Variants in SEMA5A observed in about 807,000 individuals in gnomAD.
SEMA5A encodes the protein semaphorin-5A.
Under a neutral mutation model 135.5 loss-of-function variants are expected in SEMA5A, and 55 were observed. That is an observed-to-expected ratio of 0.41 (90% CI 0.33 to 0.51). The LOEUF is 0.51. Among genes scored for constraint, SEMA5A ranks in the 20% least tolerant of loss-of-function variants. The pLI, the probability that SEMA5A is intolerant of heterozygous loss-of-function variation, is 0.37. For synonymous variants in SEMA5A, 580 were observed against 546.5 expected, an observed-to-expected ratio of 1.06 and a Z score of -0.85; for missense variants, 1,290 against 1,419.9, an observed-to-expected ratio of 0.91 and a Z score of 1.47.
At chr5:9,504,827 A>C (rs1173670736) in intron 1 of SEMA5A, among the ~76,000 whole-genome samples, 1 of 152,250 alleles carries the variant, frequency 6.6e-6, no homozygotes, top group Non-Finnish European at 1.5e-5. Flanking sequence ...TTATACCCTG[A>C]TGTCCAATCA....
chr5:9,266,352 T>C (rs1023928962), intron 5 of SEMA5A, among the ~76,000 whole-genome samples: 1 of 152,224 alleles, frequency 6.6e-6, no homozygotes, highest in African/African-American at 2.4e-5. Flanking sequence ...TAAATACTAT[T>C]ATTAATGAGA....
At chr5:9,182,883 T>C (rs989059661) in intron 11 of SEMA5A, among the ~76,000 whole-genome samples, 4 of 152,162 alleles carry the variant, frequency 2.6e-5, no homozygotes, top group South Asian at 4.1e-4. Flanking sequence ...CATCATATCA[T>C]GTAACTTCTT....
At chr5:9,148,478 C>T (rs12520089) in intron 12 of SEMA5A, among the ~76,000 whole-genome samples, 126 of 152,236 alleles carry the variant, frequency 8.3e-4, no homozygotes, top group Admixed American at 6.3e-3. Context: ...TCCTGGAACG[C>T]GGGAGGATTA....
chr5:9,451,108 A>T (rs1208502885), intron 1 of SEMA5A, among the ~76,000 whole-genome samples: 1 of 152,208 alleles, frequency 6.6e-6, no homozygotes, highest in African/African-American at 2.4e-5. Context: ...TACAGACTCA[A>T]GGGTTCAACT....
intron 1 of SEMA5A, among the ~76,000 whole-genome samples, chr5:9,535,502 G>A (rs1270050933): frequency 6.6e-6 from 1 of 151,970 alleles, no homozygotes; most frequent in South Asian, 2.1e-4. Flanking sequence ...CTACACAATT[G>A]ACATTCAGTG....
intron 5 of SEMA5A, among the ~76,000 whole-genome samples, chr5:9,288,765 G>A (rs1329311427): frequency 1.3e-5 from 2 of 152,116 alleles, no homozygotes; most frequent in Non-Finnish European, 2.9e-5. Flanking sequence ...GAAGTGGCTG[G>A]AACCAAAATG....
intron 11 of SEMA5A, among the ~76,000 whole-genome samples, chr5:9,178,331 C>CT (rs5865809): frequency 0.11 from 13,997 of 123,538 alleles, 1,114 homozygotes; most frequent in African/African-American, 0.2. Context: ...TTTTTCTCTC[C>CT]TTTTTTTTTT....
chr5:9,456,902 C>G (rs1328688494), intron 1 of SEMA5A, among the ~76,000 whole-genome samples: 1 of 152,186 alleles, frequency 6.6e-6, no homozygotes, highest in African/African-American at 2.4e-5. Flanking sequence ...CAGAAGTACC[C>G]TGCCCTGCTC....
chr5:9,505,079 G>T (rs377947), intron 1 of SEMA5A, among the ~76,000 whole-genome samples: 144,033 of 152,178 alleles, frequency 0.95, 68,490 homozygotes, highest in Non-Finnish European at 0.99. Flanking sequence ...CTGAAGAATT[G>T]AAATTCTAAT....
At chr5:9,152,347 C>A (rs1277667018) in intron 12 of SEMA5A, among the ~76,000 whole-genome samples, 1 of 152,174 alleles carries the variant, frequency 6.6e-6, no homozygotes, top group Non-Finnish European at 1.5e-5. Context: ...CCCACTGAAC[C>A]AACAGCAACT....
At chr5:9,144,426 C>T (rs1393250261) in intron 12 of SEMA5A, among the ~76,000 whole-genome samples, 2 of 152,186 alleles carry the variant, frequency 1.3e-5, no homozygotes, top group Non-Finnish European at 2.9e-5. Flanking sequence ...TTATAATTCA[C>T]CTAACTTAAC....
Position 9,403,675 on chromosome 5 carries a change from T to C in SEMA5A, c.-77-23652A>G, listed in dbSNP as rs545562298. ...GAACCCCCAATTTTAAGCCATCTCATGCTCTGCTGAAAAATGAGCCAATCC... is the reference window on the plus strand; with the variant it reads ...GAACCCCCAATTTTAAGCCATCTCACGCTCTGCTGAAAAATGAGCCAATCC... On this transcript the variant is annotated intron_variant, in intron 2 of 22. Coordinates refer to ENST00000382496, the MANE Select transcript of SEMA5A (RefSeq NM_003966.3). Among the ~76,000 whole-genome samples the C allele has an allele frequency of 8.5e-5, 13 of 152,330 alleles. No homozygotes were observed. In the South Asian group the frequency reaches 1.7e-3, roughly 19 times the overall value.
chr5:9,201,883 G>GAAT, intron 9 of SEMA5A, 72 bp downstream of exon 9: 9 of 1,414,528 alleles, frequency 6.4e-6, no homozygotes, highest in Middle Eastern at 2.0e-4. Context: ...TAAAACCTCA[G>GAAT]AGGTCAAAGA....
intron 3 of SEMA5A, among the ~76,000 whole-genome samples, chr5:9,368,280 T>A (rs1754997807): frequency 6.6e-6 from 1 of 152,222 alleles, no homozygotes; most frequent in Non-Finnish European, 1.5e-5. Context: ...CAAAAATATG[T>A]GGCATTGTAT....
intron 1 of SEMA5A, among the ~76,000 whole-genome samples, chr5:9,532,441 T>C (rs4002529): frequency 3.5e-5 from 1 of 28,892 alleles, no homozygotes; most frequent in Admixed American, 2.1e-4. Flanking sequence ...AATTTTTTTC[T>C]TTTTTTTTTT....
At chr5:9,134,242 C>T (rs1741605453) in intron 13 of SEMA5A, among the ~76,000 whole-genome samples, 1 of 152,144 alleles carries the variant, frequency 6.6e-6, no homozygotes, top group Non-Finnish European at 1.5e-5. Context: ...AACTCTTAGG[C>T]TCAAGCAATC....
chr5:9,456,689 G>T (rs955037823), intron 1 of SEMA5A, among the ~76,000 whole-genome samples: 1 of 152,168 alleles, frequency 6.6e-6, no homozygotes, highest in Non-Finnish European at 1.5e-5. Flanking sequence ...AAGGCAGAAG[G>T]CTGGAACCAC....
chr5:9,397,088 T>C (rs906517527), intron 2 of SEMA5A, among the ~76,000 whole-genome samples: 7 of 150,572 alleles, frequency 4.6e-5, no homozygotes, highest in African/African-American at 1.7e-4. Context: ...CAAAATAAAA[T>C]CAGGAAGACA....
chr5:9,458,906 G>A (rs1199742481), intron 1 of SEMA5A, among the ~76,000 whole-genome samples: 1 of 152,264 alleles, frequency 6.6e-6, no homozygotes, highest in Admixed American at 6.5e-5. Flanking sequence ...TGCCCCCAGG[G>A]ACAACTTTCA....
Sources: gnomAD v4.1 joint callset for allele counts (sites outside exome capture counted in the v4.1 genomes callset) on GRCh38, gnomAD v4.1.1 for gene constraint, MANE v1.5 for transcripts, NCBI Gene and HGNC (gene_info 2026-07-23, HGNC 2026-07-21) for gene names.